The following BMERB1 variants were observed in gnomAD, a reference collection of about 807,000 sequenced individuals.
BMERB1 encodes the protein bMERB domain-containing protein 1.
Under a neutral mutation model 23.6 loss-of-function variants are expected in BMERB1, and 12 were observed. The ratio of observed to expected loss-of-function variants is 0.51; its 90% CI spans 0.33 to 0.82. The LOEUF (loss-of-function observed/expected upper bound fraction) is 0.82, where lower values mean the gene tolerates loss of function less well. Ranked by LOEUF, BMERB1 falls within the 40% of genes least tolerant of loss-of-function variation. The pLI, the probability that BMERB1 is intolerant of heterozygous loss-of-function variation, is 0.03. For synonymous variants in BMERB1, 122 were observed against 96.6 expected, an observed-to-expected ratio of 1.26 and a Z score of -1.54; for missense variants, 247 against 255.4, an observed-to-expected ratio of 0.97 and a Z score of 0.22.
intron 1 of BMERB1, among the ~76,000 whole-genome samples, chr16:15,447,004 G>C (rs568932240): frequency 6.6e-6 from 1 of 152,166 alleles, no homozygotes; most frequent in Non-Finnish European, 1.5e-5. Context: ...TTTGGCAGCA[G>C]GAGCTCTGCC....
At chr16:15,539,773 G>A (rs1177094309) in intron 2 of BMERB1, among the ~76,000 whole-genome samples, 1 of 151,506 alleles carries the variant, frequency 6.6e-6, no homozygotes, top group Non-Finnish European at 1.5e-5. Flanking sequence ...AACCCGGGAG[G>A]TGGAGGTTGC....
intron 1 of BMERB1, among the ~76,000 whole-genome samples, chr16:15,510,128 C>A (rs937189665): frequency 2.6e-5 from 4 of 152,184 alleles, no homozygotes; most frequent in Non-Finnish European, 5.9e-5. Context: ...GAGCGCGTGA[C>A]CCTGCCAACA....
intron 1 of BMERB1, among the ~76,000 whole-genome samples, chr16:15,435,426 G>A (rs1031238105): frequency 1.3e-5 from 2 of 152,204 alleles, no homozygotes; most frequent in Admixed American, 6.5e-5. Flanking sequence ...TGCGGTGTTT[G>A]GATGTCAACA....
intron 1 of BMERB1, among the ~76,000 whole-genome samples, chr16:15,496,239 G>C (rs761378534): frequency 6.6e-6 from 1 of 152,100 alleles, no homozygotes; most frequent in Non-Finnish European, 1.5e-5. Flanking sequence ...GGTGATAGTG[G>C]TGATGATTAT....
chr16:15,513,102 T>C (rs1158840374), intron 1 of BMERB1, among the ~76,000 whole-genome samples: 1 of 151,570 alleles, frequency 6.6e-6, no homozygotes, highest in Non-Finnish European at 1.5e-5. Context: ...CTGCCCCGAG[T>C]CTCCCCCACT....
intron 2 of BMERB1, among the ~76,000 whole-genome samples, chr16:15,545,757 T>C (rs562941740): frequency 6.6e-6 from 1 of 152,304 alleles, no homozygotes; most frequent in South Asian, 2.1e-4. Flanking sequence ...TGGCTGAGTC[T>C]GAGGAAGTGG....
At chr16:15,478,728 C>G (rs191151998) in intron 1 of BMERB1, among the ~76,000 whole-genome samples, 1 of 152,152 alleles carries the variant, frequency 6.6e-6, no homozygotes, top group African/African-American at 2.4e-5. Context: ...AGGCAGGGCA[C>G]CCCACTCTAC....
At chr16:15,561,757 G>A (rs1412124618) in intron 2 of BMERB1, among the ~76,000 whole-genome samples, 1 of 152,154 alleles carries the variant, frequency 6.6e-6, no homozygotes, top group Admixed American at 6.5e-5. Flanking sequence ...GCTGAGTGTA[G>A]GGGCATATGC....
rs143866143 is a variant in BMERB1, at chr16:15,546,365, A to G, written c.231-21618A>G. On this transcript the variant is annotated intron_variant, in intron 2 of 5. Transcript: ENST00000300006. ...CGTTCTAAGCAAAGTGAGTCCTGCT[A>G]TCTGCAGGATTTTGATTTTTTTCCA... 3.3e-3 allele frequency among the ~76,000 whole-genome samples: 506 copies of G among 152,230 alleles called. 1 individual carries two copies. Among genetic ancestry groups the G allele is most frequent in the Non-Finnish European group, 6.2e-3 (424 of 68,028 alleles).
intron 1 of BMERB1, among the ~76,000 whole-genome samples, chr16:15,503,104 C>A (rs990382071): frequency 6.6e-6 from 1 of 152,088 alleles, no homozygotes; most frequent in South Asian, 2.1e-4. Context: ...GGAAAAAAAT[C>A]CACAAATTAC....
intron 1 of BMERB1, among the ~76,000 whole-genome samples, chr16:15,461,753 C>T (rs1015259159): frequency 6.6e-6 from 1 of 151,946 alleles, no homozygotes. Context: ...CAAACCCCAT[C>T]TCTACAAAAA....
intron 1 of BMERB1, among the ~76,000 whole-genome samples, chr16:15,494,874 T>A (rs34122477): frequency 1.1e-4 from 17 of 148,804 alleles, no homozygotes; most frequent in East Asian, 2.0e-4. Context: ...TCCTTTTTTT[T>A]ATCTTTTTTT....
At chr16:15,439,080 T>C (rs1044904890) in intron 1 of BMERB1, among the ~76,000 whole-genome samples, 2 of 152,212 alleles carry the variant, frequency 1.3e-5, no homozygotes, top group Non-Finnish European at 2.9e-5. Flanking sequence ...GGAGGGAGAC[T>C]GCAGAACTGG....
chr16:15,526,886 TA>T, intron 2 of BMERB1, among the ~76,000 whole-genome samples: 2 of 148,568 alleles, frequency 1.3e-5, no homozygotes. Context: ...TATTATTCCA[TA>T]AAAATAATAT....
intron 2 of BMERB1, among the ~76,000 whole-genome samples, chr16:15,518,644 C>T (rs1234034116): frequency 6.6e-6 from 1 of 152,148 alleles, no homozygotes; most frequent in African/African-American, 2.4e-5. Context: ...GGGGCTTATC[C>T]TGTGAGTGTG....
chr16:15,472,508 T>C (rs2051237897), intron 1 of BMERB1, among the ~76,000 whole-genome samples: 1 of 152,244 alleles, frequency 6.6e-6, no homozygotes, highest in South Asian at 2.1e-4. Context: ...AATGTCTCTC[T>C]GGTAATTTTC....
intron 3 of BMERB1, among the ~76,000 whole-genome samples, chr16:15,571,443 C>T (rs528210155): frequency 1.6e-4 from 24 of 151,882 alleles, no homozygotes; most frequent in Admixed American, 7.9e-4. Flanking sequence ...CAGCAAGTTC[C>T]GCCTCCCGGG....
intron 1 of BMERB1, among the ~76,000 whole-genome samples, chr16:15,467,639 C>T (rs11075268): frequency 0.9 from 137,637 of 152,162 alleles, 63,873 homozygotes; most frequent in East Asian, 1. Context: ...CCTCCTAGTC[C>T]GTAGCTTGTT....
intron 1 of BMERB1, among the ~76,000 whole-genome samples, chr16:15,444,314 C>T (rs900281195): frequency 6.6e-5 from 10 of 151,416 alleles, no homozygotes; most frequent in African/African-American, 2.4e-4. Context: ...CTTCACTATT[C>T]ACTTGTTGTG....
Sources: gnomAD v4.1 joint callset for allele counts (sites outside exome capture counted in the v4.1 genomes callset) on GRCh38, gnomAD v4.1.1 for gene constraint, MANE v1.5 for transcripts, NCBI Gene and HGNC (gene_info 2026-07-23, HGNC 2026-07-21) for gene names.